ACOT13: variants seen among roughly 807,000 people sequenced by gnomAD.
ACOT13 encodes acyl-CoA thioesterase 13, also known as acyl-coenzyme A thioesterase 13.
In ACOT13, 10 loss-of-function variants were observed where a neutral mutation model predicts 11.8. The ratio of observed to expected loss-of-function variants is 0.85; its 90% confidence interval spans 0.53 to 1.44. The LOEUF is 1.44. Ranked by LOEUF, ACOT13 falls within the 40% of genes most tolerant of loss-of-function variation. ACOT13 has a pLI of 0.00. For synonymous variants in ACOT13, 53 were observed against 61.0 expected (o/e 0.87, Z 0.61); for missense variants, 172 against 174.1 (o/e 0.99, Z 0.07).
chr6:24,687,424 C>A, intron 1 of ACOT13: 1 of 1,221,724 alleles, frequency 8.2e-7, no homozygotes, highest in East Asian at 3.3e-5. Flanking sequence ...GAGGAACATA[C>A]GTTGGGAATA....
intron 1 of ACOT13, among the ~76,000 whole-genome samples, chr6:24,686,668 CTCTCT>C (rs886773097): frequency 1.3e-5 from 2 of 149,158 alleles, no homozygotes; most frequent in Non-Finnish European, 3.0e-5. Flanking sequence ...CTTTCTCTCT[CTCTCT>C]TTTCTGTCTT....
At chr6:24,687,330 G>A (rs1778648277) in intron 1 of ACOT13, 2 of 683,562 alleles carry the variant, frequency 2.9e-6, no homozygotes, top group African/African-American at 1.9e-5. Context: ...AAACTTTTGA[G>A]TAGTTCTGCA....
chr6:24,672,205 A>G (rs1778376773), intron 1 of ACOT13, among the ~76,000 whole-genome samples: 1 of 152,366 alleles, frequency 6.6e-6, no homozygotes, highest in South Asian at 2.1e-4. Context: ...CAAGGATTTC[A>G]TAAAAAGGTG....
intron 1 of ACOT13, among the ~76,000 whole-genome samples, chr6:24,688,474 A>G (rs898595491): frequency 8.7e-5 from 13 of 149,648 alleles, no homozygotes; most frequent in East Asian, 4.0e-4. Flanking sequence ...CAGGAGGTCG[A>G]GGCTGCAGTG....
intron 1 of ACOT13, among the ~76,000 whole-genome samples, chr6:24,681,391 C>T (rs955181574): frequency 6.6e-6 from 1 of 152,222 alleles, no homozygotes; most frequent in Non-Finnish European, 1.5e-5. Flanking sequence ...CCCTTATTTA[C>T]ATTGACAACA....
At chr6:24,684,992 C>CA (rs1408346618) in intron 1 of ACOT13, among the ~76,000 whole-genome samples, 1 of 152,142 alleles carries the variant, frequency 6.6e-6, no homozygotes, top group Non-Finnish European at 1.5e-5. Context: ...AGCCTGGTGA[C>CA]AAAGTGAGAC....
intron 1 of ACOT13, among the ~76,000 whole-genome samples, chr6:24,690,747 G>C (rs971724296): frequency 6.6e-6 from 1 of 152,074 alleles, no homozygotes; most frequent in South Asian, 2.1e-4. Context: ...GCCAACTCTT[G>C]TTATTTTTGG....
At chr6:24,676,232 C>G (rs1406068998) in intron 1 of ACOT13, among the ~76,000 whole-genome samples, 1 of 152,048 alleles carries the variant, frequency 6.6e-6, no homozygotes, top group Non-Finnish European at 1.5e-5. Context: ...TCCATATGAA[C>G]TTTAAAGTAG....
chr6:24,699,408 C>T (rs1778856261), intron 2 of ACOT13, among the ~76,000 whole-genome samples: 2 of 152,106 alleles, frequency 1.3e-5, no homozygotes, highest in African/African-American at 2.4e-5. Context: ...GATGGGGTTT[C>T]ACCGTGTTAG....
chr6:24,677,959 G>A (rs1392576399), intron 1 of ACOT13, among the ~76,000 whole-genome samples: 3 of 152,166 alleles, frequency 2.0e-5, no homozygotes, highest in Admixed American at 1.3e-4. Flanking sequence ...TGGAAACCTT[G>A]TAGCCACAGG....
rs1778890687 is a variant in ACOT13 at position 24,701,469 on chromosome 6, C to A, written c.277C>A (p.Pro93Thr). ...TCATTTTCTTTCAAGGTACATGTCACCTGCAAAATTAGGAGAAGATATAGT... is the reference window on the plus strand; with the variant it reads ...TCATTTTCTTTCAAGGTACATGTCAACTGCAAAATTAGGAGAAGATATAGT... ...SVDMNITYMS[P>T]AKLGEDIVIT... The change falls in exon 3 of 3, where the codon CCT (proline) becomes ACT (threonine). Residue 93 changes from proline (P) to threonine (T), a missense_variant. Pro to Thr is a conservative substitution (Grantham distance 38, BLOSUM62 -1). Coordinates refer to ENST00000230048, the MANE Select transcript of ACOT13 (RefSeq NM_018473.4). 3 of 1,605,510 alleles carry A rather than the reference C, an allele frequency of 1.9e-6. No individual in the cohort carries two copies. The highest frequency in any genetic ancestry group is 8.5e-7 in the Non-Finnish European group (1 of 1,176,104).
chr6:24,687,825 C>A, intron 1 of ACOT13: 1 of 930,940 alleles, frequency 1.1e-6, no homozygotes, highest in Non-Finnish European at 1.5e-6. Context: ...ATTTCTCCTG[C>A]TTCAGCCTCC....
chr6:24,696,878 C>T (rs1007367824), intron 1 of ACOT13, among the ~76,000 whole-genome samples: 8 of 152,024 alleles, frequency 5.3e-5, no homozygotes, highest in African/African-American at 9.7e-5. Context: ...CGGGTTCAAG[C>T]GATTCTCCTG....
rs200793556 is a variant in ACOT13, at chr6:24,701,597, A to G, written c.405A>G (p.Thr135=). The G allele has an allele frequency of 6.8e-6, 11 of 1,611,838 alleles. No individual in the cohort carries two copies. Among genetic ancestry groups the G allele is most frequent in the African/African-American group, 2.7e-5 (2 of 74,876 alleles). ...TGKLIAQGRH[T]KHLGN is the part of the protein sequence containing the mutation. Reference sequence around the variant, plus strand: ...AATTAATAGCACAAGGAAGACACACAAAACACCTGGGAAACTGAGAGAACA... The same window carrying G: ...AATTAATAGCACAAGGAAGACACACGAAACACCTGGGAAACTGAGAGAACA... The change falls in exon 3 of 3, where the codon ACA becomes ACG. Residue 135 remains threonine, a synonymous_variant. Coordinates refer to ENST00000230048, the MANE Select transcript of ACOT13 (RefSeq NM_018473.4).
intron 1 of ACOT13, among the ~76,000 whole-genome samples, chr6:24,676,888 C>T (rs1240703827): frequency 2.0e-5 from 3 of 152,112 alleles, no homozygotes; most frequent in Non-Finnish European, 2.9e-5. Context: ...GGTGTTCCCT[C>T]GGAAGTTAGG....
rs1369308345 is a variant in ACOT13, at chr6:24,697,990, A to T, written c.189A>T (p.Leu63Phe). ...TCCACGGCGGTTTGACAGCCACGTT[A>T]GTAGATAACATATCAACAATGGCTC... ...GTLHGGLTAT[L>F]VDNISTMALL... The change falls in exon 2 of 3, where the codon TTA (leucine) becomes TTT (phenylalanine). Residue 63 changes from leucine (L) to phenylalanine (F), a missense_variant. Coordinates refer to ENST00000230048, the MANE Select transcript of ACOT13 (RefSeq NM_018473.4). 30 of 1,613,934 alleles carry T rather than the reference A, an allele frequency of 1.9e-5. No individual in the cohort carries two copies. Among genetic ancestry groups the T allele is most frequent in the Non-Finnish European group, 2.5e-5 (30 of 1,179,978 alleles).
intron 1 of ACOT13, among the ~76,000 whole-genome samples, chr6:24,697,451 CT>C (rs1465106390): frequency 6.6e-6 from 1 of 150,594 alleles, no homozygotes; most frequent in South Asian, 2.1e-4. Flanking sequence ...CTGAATTTGT[CT>C]TTTAAATTGA....
At chr6:24,677,511 A>G (rs567120119) in intron 1 of ACOT13, among the ~76,000 whole-genome samples, 14 of 152,336 alleles carry the variant, frequency 9.2e-5, no homozygotes, top group South Asian at 8.3e-4. Context: ...CAGTACATCA[A>G]TTTCCTTACT....
intron 1 of ACOT13, among the ~76,000 whole-genome samples, chr6:24,694,120 TATG>T (rs1778758987): frequency 6.6e-6 from 1 of 152,232 alleles, no homozygotes; most frequent in Admixed American, 6.5e-5. Context: ...TAAGAATTGT[TATG>T]ATATACTGAG....
Sources: gnomAD v4.1 joint callset for allele counts (sites outside exome capture counted in the v4.1 genomes callset) on GRCh38, gnomAD v4.1.1 for gene constraint, MANE v1.5 for transcripts, NCBI Gene and HGNC (gene_info 2026-07-23, HGNC 2026-07-21) for gene names.